The following EGFLAM variants were observed in gnomAD, a reference collection of about 807,000 sequenced individuals.
EGFLAM encodes pikachurin.
In EGFLAM, 79 loss-of-function variants were observed where a neutral mutation model predicts 113.1. The ratio of observed to expected loss-of-function variants is 0.70; its 90% CI spans 0.58 to 0.84. The LOEUF is 0.84. Among genes scored for constraint, EGFLAM ranks in the 40% least tolerant of loss-of-function variants. EGFLAM has a pLI of 0.00. For synonymous variants in EGFLAM, 504 were observed against 487.6 expected, an observed-to-expected ratio of 1.03 and a Z score of -0.44; for missense variants, 1,265 against 1,291.6, an observed-to-expected ratio of 0.98 and a Z score of 0.32.
chr5:38,421,045 C>T (rs914291977), intron 12 of EGFLAM, among the ~76,000 whole-genome samples: 1 of 152,196 alleles, frequency 6.6e-6, no homozygotes, highest in African/African-American at 2.4e-5. Context: ...GGTTAGTCCT[C>T]CTGAAATTCA....
chr5:38,428,121 A>T (rs1310873037), intron 14 of EGFLAM, among the ~76,000 whole-genome samples: 3 of 152,160 alleles, frequency 2.0e-5, no homozygotes, highest in Admixed American at 2.0e-4. Context: ...TTTGAAACTC[A>T]CTAGGATGTT....
intron 14 of EGFLAM, among the ~76,000 whole-genome samples, chr5:38,428,446 A>G (rs376685403): frequency 6.6e-6 from 1 of 152,240 alleles, no homozygotes; most frequent in Admixed American, 6.5e-5. Flanking sequence ...TGGTTATGCA[A>G]AAACATCCTA....
chr5:38,421,786 A>G (rs2112174435), intron 12 of EGFLAM, among the ~76,000 whole-genome samples: 1 of 152,228 alleles, frequency 6.6e-6, no homozygotes, highest in South Asian at 2.1e-4. Context: ...AATATGAAGC[A>G]AGAGTAGGAG....
At chr5:38,441,654 T>TCTA (rs1429505854) in intron 17 of EGFLAM, among the ~76,000 whole-genome samples, 1 of 151,082 alleles carries the variant, frequency 6.6e-6, no homozygotes, top group Non-Finnish European at 1.5e-5. Flanking sequence ...GGAGGAGGCT[T>TCTA]CTATGGTGAA....
At chr5:38,345,912 A>G (rs1350803366) in intron 3 of EGFLAM, 3 of 152,204 alleles carry the variant, frequency 2.0e-5, no homozygotes, top group Admixed American at 6.5e-5. Flanking sequence ...ACAAGTTACA[A>G]TACATTGAGG....
rs200643273 is a variant in EGFLAM at position 38,258,809 on chromosome 5, G to C, written c.55G>C (p.Gly19Arg). Residue 19 changes from glycine (G) to arginine (R), a missense_variant, in exon 1 of 22, where the codon GGA becomes CGA. Transcript: ENST00000322350. ...LRLLLLASSL[G>R]PGAVSLRAAI... ...GCTCCTGCTCCTGGCTTCCAGCCTC[G>C]GACCCGGCGCGGTGTCGCTCCGAGC... The C allele has an allele frequency of 1.1e-4, 184 of 1,612,530 alleles. 1 individual carries two copies. In the East Asian group the frequency reaches 3.1e-3, roughly 28 times the overall value.
At position 38,370,284 on chromosome 5, in the gene EGFLAM, T is replaced by C. The variant is rs771429389; in HGVS notation, c.546-12T>C. On this transcript the variant is annotated splice_polypyrimidine_tract_variant and intron_variant, in intron 5 of 21. Coordinates refer to ENST00000322350, the MANE Select transcript of EGFLAM (RefSeq NM_152403.4). Reference sequence around the variant, plus strand: ...TGAACTACTGCTTCTTCTGTTTTTCTAATCAATAAAGGCCAGATTTCGACA... The same window carrying C: ...TGAACTACTGCTTCTTCTGTTTTTCCAATCAATAAAGGCCAGATTTCGACA... 1.2e-6 allele frequency: 2 copies of C among 1,609,274 alleles called. No individual in the cohort carries two copies. Among genetic ancestry groups the C allele is most frequent in the Non-Finnish European group, 1.7e-6 (2 of 1,176,170 alleles).
At chr5:38,437,133 C>T (rs1302856515) in intron 16 of EGFLAM, among the ~76,000 whole-genome samples, 2 of 152,206 alleles carry the variant, frequency 1.3e-5, no homozygotes, top group Non-Finnish European at 2.9e-5. Flanking sequence ...AGCCCCTCCT[C>T]ATAATTTATC....
intron 6 of EGFLAM, among the ~76,000 whole-genome samples, chr5:38,402,880 A>G (rs1376263790): frequency 2.0e-5 from 3 of 152,170 alleles, no homozygotes; most frequent in Admixed American, 6.5e-5. Flanking sequence ...GAGTCACTGA[A>G]GGTGATTTTT....
intron 17 of EGFLAM, among the ~76,000 whole-genome samples, chr5:38,440,564 T>C (rs1190009483): frequency 1.3e-5 from 2 of 152,142 alleles, no homozygotes; most frequent in Non-Finnish European, 2.9e-5. Context: ...AGAGAATACA[T>C]AGAAAGTTTG....
chr5:38,435,112 T>A, intron 15 of EGFLAM, 25 bp from the exon 16 acceptor site: 1 of 1,593,456 alleles, frequency 6.3e-7, no homozygotes, highest in South Asian at 1.1e-5. Context: ...AGTCATACAA[T>A]GCTTTGTTTT....
At chr5:38,453,468 A>G (rs1486095381) in intron 19 of EGFLAM, among the ~76,000 whole-genome samples, 1 of 152,140 alleles carries the variant, frequency 6.6e-6, no homozygotes, top group Non-Finnish European at 1.5e-5. Flanking sequence ...CACTTGTCCA[A>G]TGTTATGCTA....
chr5:38,353,395 C>T (rs1408897504), intron 5 of EGFLAM, among the ~76,000 whole-genome samples: 1 of 152,172 alleles, frequency 6.6e-6, no homozygotes, highest in Non-Finnish European at 1.5e-5. Context: ...GGTGATGGGG[C>T]TTGTCTGAGG....
At chr5:38,304,553 T>A (rs183208114) in intron 1 of EGFLAM, among the ~76,000 whole-genome samples, 2 of 152,342 alleles carry the variant, frequency 1.3e-5, no homozygotes, top group East Asian at 3.9e-4. Context: ...TTCCCTGGGA[T>A]GTGACCAGCC....
intron 6 of EGFLAM, among the ~76,000 whole-genome samples, chr5:38,387,758 G>A (rs944963560): frequency 2.6e-5 from 4 of 152,346 alleles, no homozygotes; most frequent in African/African-American, 9.6e-5. Flanking sequence ...ACTCTTGCTT[G>A]TATTTATTTC....
intron 5 of EGFLAM, among the ~76,000 whole-genome samples, chr5:38,355,447 C>T (rs1317751914): frequency 6.6e-6 from 1 of 152,132 alleles, no homozygotes; most frequent in Non-Finnish European, 1.5e-5. Context: ...AAGAACTGTC[C>T]ATGCCACAGC....
At chr5:38,420,539 A>G (rs1300521939) in intron 12 of EGFLAM, among the ~76,000 whole-genome samples, 1 of 152,208 alleles carries the variant, frequency 6.6e-6, no homozygotes, top group Non-Finnish European at 1.5e-5. Context: ...GCTGCCTCAT[A>G]AGATTATTTT....
intron 19 of EGFLAM, among the ~76,000 whole-genome samples, chr5:38,453,265 A>G (rs1561103678): frequency 6.6e-6 from 1 of 152,174 alleles, no homozygotes; most frequent in Non-Finnish European, 1.5e-5. Context: ...CCCTCTGATG[A>G]CTAGCTCAAG....
At chr5:38,399,799 C>G (rs1321471454) in intron 6 of EGFLAM, 1 of 152,166 alleles carries the variant, frequency 6.6e-6, no homozygotes, top group Non-Finnish European at 1.5e-5. Context: ...AGAAGGGACT[C>G]AAAATACAAC....
Sources: gnomAD v4.1 joint callset for allele counts (sites outside exome capture counted in the v4.1 genomes callset) on GRCh38, gnomAD v4.1.1 for gene constraint, MANE v1.5 for transcripts, NCBI Gene and HGNC (gene_info 2026-07-23, HGNC 2026-07-21) for gene names.